CDH18: variants seen among roughly 807,000 people sequenced by gnomAD.
CDH18 encodes cadherin-18.
Under a neutral mutation model 67.9 loss-of-function variants are expected in CDH18, and 31 were observed. The observed-to-expected ratio is 0.46, with a 90% CI of 0.34 to 0.62. CDH18 has a LOEUF of 0.62. CDH18 is among the 20% of genes least tolerant of loss of function. The pLI, the probability that CDH18 is intolerant of heterozygous loss-of-function variation, is 0.01. For missense variants in CDH18, 890 were observed against 975.5 expected, an observed-to-expected ratio of 0.91 and a Z score of 1.17; for synonymous variants, 362 against 347.2, an observed-to-expected ratio of 1.04 and a Z score of -0.48.
intron 1 of CDH18, among the ~76,000 whole-genome samples, chr5:20,294,414 C>T (rs570363773): frequency 2.2e-4 from 34 of 152,202 alleles, no homozygotes; most frequent in African/African-American, 7.9e-4. Context: ...TTTGTTAATG[C>T]GATTGGTGGG....
At chr5:19,723,586 A>C (rs1766399121) in intron 4 of CDH18, among the ~76,000 whole-genome samples, 1 of 152,234 alleles carries the variant, frequency 6.6e-6, no homozygotes, top group Admixed American at 6.5e-5. Flanking sequence ...TTTGCTGTTT[A>C]GAATGCTGAG....
At chr5:20,270,230 A>G (rs963039923) in intron 1 of CDH18, among the ~76,000 whole-genome samples, 7 of 152,148 alleles carry the variant, frequency 4.6e-5, no homozygotes, top group Non-Finnish European at 7.4e-5. Flanking sequence ...AGTAATAGAA[A>G]CAGCTAGCTA....
chr5:20,335,417 T>G (rs1290451638), intron 1 of CDH18, among the ~76,000 whole-genome samples: 1 of 152,114 alleles, frequency 6.6e-6, no homozygotes, highest in Non-Finnish European at 1.5e-5. Context: ...TTATTGTCAT[T>G]ATTTTTGTGG....
Position 20,176,091 on chromosome 5 carries a change from T to A in CDH18, c.-518+79353A>T, listed in dbSNP as rs370067321. ...CTTTCTCCCCACCTAGTCAGCCATC[T>A]GCATAATTCAGGGCTGACCTGAATG... On this transcript the variant is annotated intron_variant, in intron 2 of 14. Transcript: ENST00000507958. Among the ~76,000 whole-genome samples, 88 of 152,314 alleles carry A rather than the reference T, an allele frequency of 5.8e-4. No individual in the cohort carries two copies. In the South Asian group the frequency reaches 0.016, roughly 28 times the overall value.
At chr5:19,820,868 G>T (rs896305167) in intron 3 of CDH18, among the ~76,000 whole-genome samples, 3 of 151,834 alleles carry the variant, frequency 2.0e-5, no homozygotes, top group African/African-American at 7.3e-5. Context: ...AAAGCACAAA[G>T]AAACACAACC....
intron 1 of CDH18, among the ~76,000 whole-genome samples, chr5:20,401,155 G>C (rs1052166337): frequency 6.6e-6 from 1 of 152,156 alleles, no homozygotes; most frequent in Non-Finnish European, 1.5e-5. Flanking sequence ...CAACTGTCTT[G>C]AAATAATATT....
At chr5:20,051,659 T>C (rs977481238) in intron 2 of CDH18, among the ~76,000 whole-genome samples, 2 of 151,944 alleles carry the variant, frequency 1.3e-5, no homozygotes, top group Non-Finnish European at 1.5e-5. Context: ...ATTCCAAGAA[T>C]AGATTTGCAG....
chr5:20,053,244 TATC>T (rs1335622593), intron 2 of CDH18, among the ~76,000 whole-genome samples: 1 of 151,308 alleles, frequency 6.6e-6, no homozygotes, highest in East Asian at 1.9e-4. Flanking sequence ...CATAAATATA[TATC>T]ATACAGTCCA....
intron 3 of CDH18, among the ~76,000 whole-genome samples, chr5:19,831,044 G>A (rs933729860): frequency 6.6e-6 from 1 of 152,100 alleles, no homozygotes; most frequent in African/African-American, 2.4e-5. Flanking sequence ...TGAGAGTGAA[G>A]GGTGAAAGGA....
At position 19,682,160 on chromosome 5, in the gene CDH18, A is replaced by G. The variant is rs552841410; in HGVS notation, c.643+39187T>C. The stretch of plus-strand genomic sequence containing the variant: ...AGCTAAGACTTAGACTTTGTAAACC[A>G]TATTTCTTCTTTGACAGCTGCTCCC... On this transcript the variant is annotated intron_variant, in intron 5 of 12. Coordinates refer to ENST00000382275, the MANE Select transcript of CDH18 (RefSeq NM_004934.5). 3.9e-5 allele frequency among the ~76,000 whole-genome samples: 6 copies of G among 152,196 alleles called. No individual in the cohort carries two copies. In the South Asian group the frequency reaches 1.2e-3, roughly 32 times the overall value.
At chr5:20,263,179 G>A (rs145303455) in intron 1 of CDH18, among the ~76,000 whole-genome samples, 1,661 of 152,160 alleles carry the variant, frequency 0.011, 31 homozygotes, top group African/African-American at 0.038. Context: ...TACGCATGAA[G>A]CTCTAATACT....
intron 2 of CDH18, among the ~76,000 whole-genome samples, chr5:20,208,478 G>A (rs1740089863): frequency 6.6e-6 from 1 of 152,014 alleles, no homozygotes; most frequent in Non-Finnish European, 1.5e-5. Flanking sequence ...GGAGAGGACA[G>A]TGTCTTCAAT....
At chr5:19,826,408 T>C (rs770974973) in intron 3 of CDH18, among the ~76,000 whole-genome samples, 1 of 152,002 alleles carries the variant, frequency 6.6e-6, no homozygotes, top group Non-Finnish European at 1.5e-5. Context: ...AAGATGACCA[T>C]TCCCTAAGAC....
chr5:20,556,502 A>C (rs1757915642), intron 1 of CDH18, among the ~76,000 whole-genome samples: 1 of 152,108 alleles, frequency 6.6e-6, no homozygotes, highest in African/African-American at 2.4e-5. Flanking sequence ...ACCTTTCCCA[A>C]GTAGGCCCGT....
chr5:19,689,624 G>A (rs1364277684), intron 5 of CDH18, among the ~76,000 whole-genome samples: 1 of 151,658 alleles, frequency 6.6e-6, no homozygotes, highest in East Asian at 1.9e-4. Flanking sequence ...ACATACAAAT[G>A]AGGAAGAGAA....
At chr5:19,495,576 A>G (rs1742159971) in intron 11 of CDH18, among the ~76,000 whole-genome samples, 1 of 152,068 alleles carries the variant, frequency 6.6e-6, no homozygotes, top group African/African-American at 2.4e-5. Context: ...CCCCGTCTCT[A>G]CTAAAAATAC....
intron 5 of CDH18, among the ~76,000 whole-genome samples, chr5:19,679,814 A>T (rs1370129831): frequency 6.6e-6 from 1 of 152,056 alleles, no homozygotes; most frequent in African/African-American, 2.4e-5. Context: ...ATGGAAAAAC[A>T]TTCCATACTC....
chr5:19,885,030 T>C (rs918761304), intron 2 of CDH18, among the ~76,000 whole-genome samples: 3 of 152,182 alleles, frequency 2.0e-5, no homozygotes, highest in Non-Finnish European at 2.9e-5. Flanking sequence ...AAAATAATAA[T>C]GTATCACTAA....
intron 5 of CDH18, among the ~76,000 whole-genome samples, chr5:19,658,783 C>T (rs545754967): frequency 6.6e-5 from 10 of 151,894 alleles, no homozygotes; most frequent in South Asian, 2.1e-4. Context: ...GGTATATCTC[C>T]TAATGCTATC....
Sources: allele counts gnomAD v4.1 joint callset (sites outside exome capture counted in the v4.1 genomes callset), GRCh38; gene constraint gnomAD v4.1.1; transcripts MANE v1.5; gene names NCBI Gene and HGNC (gene_info 2026-07-23, HGNC 2026-07-21).